Variants in CATSPER2 observed in about 807,000 individuals in gnomAD.
The protein encoded by CATSPER2 is cation channel sperm-associated protein 2.
In CATSPER2, 56 loss-of-function variants were observed where a neutral mutation model predicts 68.8. The observed-to-expected ratio is 0.81, with a 90% CI of 0.66 to 1.02. The LOEUF is 1.02. CATSPER2 is among the 50% of genes least tolerant of loss of function. The pLI is 0.00. For missense variants in CATSPER2, 582 were observed against 642.0 expected, an observed-to-expected ratio of 0.91 and a Z score of 1.01; for synonymous variants, 198 against 229.9, an observed-to-expected ratio of 0.86 and a Z score of 1.26.
chr15:43,645,582 T>A (rs1380136691), intron 4 of CATSPER2, among the ~76,000 whole-genome samples: 1 of 150,358 alleles, frequency 6.7e-6, no homozygotes, highest in Non-Finnish European at 1.5e-5. Context: ...AGCCCAGGAG[T>A]TCAAGACCAG....
Position 43,640,494 on chromosome 15 carries a change from A to G in CATSPER2, c.391T>C (p.Leu131=), listed in dbSNP as rs1325894525. 1.2e-6 allele frequency: 2 copies of G among 1,613,196 alleles called. No individual in the cohort carries two copies. Among genetic ancestry groups the G allele is most frequent in the South Asian group, 1.1e-5 (1 of 91,040 alleles). ...NTIILMVEIE[L]LESTNTKLWP... is the part of the protein sequence containing the mutation. ...AGTTTGGTATTTGTGGATTCCAGCA[A>G]TTCTGTGAAGATAGAGCAAAGGAGG... Residue 131 remains leucine (L), a splice_region_variant and synonymous_variant, in exon 5 of 13, where the codon TTG becomes CTG. Transcript: ENST00000396879.
At chr15:43,643,441 G>A (rs937671729) in intron 4 of CATSPER2, among the ~76,000 whole-genome samples, 5 of 151,466 alleles carry the variant, frequency 3.3e-5, no homozygotes, top group Non-Finnish European at 7.4e-5. Context: ...AGGTTCAAGC[G>A]ATTCTCTTGC....
In CATSPER2 at chr15:43,648,776, C is replaced by T. The variant is rs1038375552; in HGVS notation, c.-150G>A. On this transcript the variant is annotated 5_prime_UTR_variant, in exon 1 of 13. Transcript: ENST00000396879. ...GCCCCATTCCCCGCCCCGCTCGACCCCCAGGTTTCGGCTCACCCCGGGACC... is the reference window on the plus strand; with the variant it reads ...GCCCCATTCCCCGCCCCGCTCGACCTCCAGGTTTCGGCTCACCCCGGGACC... The T allele has an allele frequency of 6.5e-6, 10 of 1,529,686 alleles. No individual in the cohort carries two copies. In the African/African-American group the frequency reaches 1.3e-4, roughly 19 times the overall value. The allele number at this position is 1,529,686 out of a possible 1,614,324, so 94.8% of individuals were successfully genotyped here. A position where few individuals can be genotyped will look rare whatever the true frequency, so the allele number is the denominator to read the frequency against.
At chr15:43,639,970 C>G (rs2086043872) in intron 5 of CATSPER2, 172 bp from the exon 6 acceptor site, 1 of 1,484,234 alleles carries the variant, frequency 6.7e-7, no homozygotes, top group Middle Eastern at 2.4e-4. Flanking sequence ...AAACACTATA[C>G]TTAAACTTGT....
chr15:43,637,451 C>A (rs1047650095), intron 7 of CATSPER2, among the ~76,000 whole-genome samples: 1 of 151,762 alleles, frequency 6.6e-6, no homozygotes, highest in African/African-American at 2.4e-5. Context: ...AACATGAGAG[C>A]TTTTATAGGA....
chr15:43,632,159 A>G, intron 12 of CATSPER2, 40 bp downstream of exon 12: 1 of 1,598,156 alleles, frequency 6.3e-7, no homozygotes, highest in Non-Finnish European at 8.6e-7. Context: ...AACGCTATAT[A>G]TATATTCCCA....
chr15:43,646,970 G>T, intron 4 of CATSPER2, 80 bp downstream of exon 4: 1 of 1,216,858 alleles, frequency 8.2e-7, no homozygotes, highest in Non-Finnish European at 1.2e-6. Flanking sequence ...ACACGCCCCG[G>T]CCTCCCAAAG....
upstream of CATSPER2, chr15:43,648,882 CCCGCT>C (rs750400963): frequency 8.3e-4 from 1,243 of 1,495,422 alleles, 14 homozygotes; most frequent in Non-Finnish European, 1.0e-3. Flanking sequence ...CCCGCCCCGC[CCCGCT>C]CTCCGGCCAC....
intron 4 of CATSPER2, among the ~76,000 whole-genome samples, chr15:43,644,477 T>C (rs2086126434): frequency 6.6e-6 from 1 of 151,918 alleles, no homozygotes; most frequent in Non-Finnish European, 1.5e-5. Context: ...TTTTGATTTG[T>C]CTATTAGATC....
At chr15:43,648,084 T>TCATTAG in intron 1 of CATSPER2, 21 bp from the exon 2 acceptor site, 1 of 1,612,674 alleles carries the variant, frequency 6.2e-7, no homozygotes, top group East Asian at 2.2e-5. Context: ...AATGTAAGCA[T>TCATTAG]CAAGTGTCAT....
intron 10 of CATSPER2, chr15:43,634,582 A>C (rs1286719215): frequency 1.3e-5 from 2 of 152,194 alleles, no homozygotes; most frequent in African/African-American, 4.8e-5. Context: ...ATCATGTCTC[A>C]ATGCAGTCTT....
At chr15:43,640,621 A>T in intron 4 of CATSPER2, 125 bp from the exon 5 acceptor site, 1 of 1,238,254 alleles carries the variant, frequency 8.1e-7, no homozygotes. Flanking sequence ...CACTGTGTTA[A>T]GAGTTAAGAG....
At chr15:43,644,612 G>A (rs547656586) in intron 4 of CATSPER2, among the ~76,000 whole-genome samples, 8 of 152,024 alleles carry the variant, frequency 5.3e-5, no homozygotes, top group Admixed American at 4.6e-4. Context: ...TCCACCTCCT[G>A]TCAGATCAGC....
chr15:43,648,127 T>A (rs1273507544), intron 1 of CATSPER2, 64 bp from the exon 2 acceptor site: 18 of 1,577,528 alleles, frequency 1.1e-5, no homozygotes, highest in Admixed American at 6.7e-5. Context: ...GGATTACAGG[T>A]TTTCTGTCCC....
Position 43,630,207 on chromosome 15 carries a change from G to A in CATSPER2, c.*494C>T, listed in dbSNP as rs148284143. 295 of 188,124 alleles carry A rather than the reference G, an allele frequency of 1.6e-3. 6 individuals carry two copies. Among genetic ancestry groups the A allele is most frequent in the Non-Finnish European group, 1.9e-3 (169 of 89,040 alleles). 11.7% of individuals were successfully genotyped at this position (188,124 alleles called of 1,614,324 possible). ...TATGATCCTAGCTTGCTGTAGCCTC[G>A]AACTCCCTGCCTCAAACAATCCTGC... On this transcript the variant is annotated 3_prime_UTR_variant, in exon 13 of 13. Transcript: ENST00000396879.
chr15:43,647,473 A>G lies in CATSPER2; in HGVS notation c.146-6T>C. 2.5e-6 allele frequency: 4 copies of G among 1,612,694 alleles called. No homozygotes were observed. The highest frequency in any genetic ancestry group is 2.7e-5 in the African/African-American group (2 of 74,898). On this transcript the variant is annotated splice_polypyrimidine_tract_variant and splice_region_variant and intron_variant, in intron 2 of 12. Coordinates refer to ENST00000396879, the MANE Select transcript of CATSPER2 (RefSeq NM_172095.4). The stretch of plus-strand genomic sequence containing the variant: ...TTTCTTCTGGCGGGAAGGATCTACA[A>G]CAAAAATTAAAAAGGGATAGTGGAT...
intron 4 of CATSPER2, among the ~76,000 whole-genome samples, chr15:43,645,089 C>A (rs888806049): frequency 6.6e-6 from 1 of 151,896 alleles, no homozygotes; most frequent in African/African-American, 2.4e-5. Context: ...GACAGGGTCT[C>A]ACTTTGTCAC....
intron 7 of CATSPER2, among the ~76,000 whole-genome samples, chr15:43,638,642 G>A (rs1054023066): frequency 1.3e-5 from 2 of 151,812 alleles, no homozygotes; most frequent in African/African-American, 4.8e-5. Flanking sequence ...CCACTGGAGT[G>A]TACTGCTATT....
At chr15:43,631,573 CAT>C (rs1424985733) in intron 12 of CATSPER2, 2 of 336,852 alleles carry the variant, frequency 5.9e-6, no homozygotes, top group Admixed American at 3.7e-5. Flanking sequence ...CCAAATTAGT[CAT>C]AGAGTAATGA....
Sources: gnomAD v4.1 joint callset for allele counts (sites outside exome capture counted in the v4.1 genomes callset) on GRCh38, gnomAD v4.1.1 for gene constraint, MANE v1.5 for transcripts, NCBI Gene and HGNC (gene_info 2026-07-23, HGNC 2026-07-21) for gene names.